The following TUSC3 variants were observed in gnomAD, a reference collection of about 807,000 sequenced individuals.
The protein encoded by TUSC3 is dolichyl-diphosphooligosaccharide--protein glycosyltransferase subunit TUSC3.
In TUSC3, 45 loss-of-function variants were observed where a neutral mutation model predicts 44.8. The ratio of observed to expected loss-of-function variants is 1.00; its 90% confidence interval spans 0.79 to 1.29. The LOEUF (loss-of-function observed/expected upper bound fraction) is 1.29. TUSC3 is among the 50% of genes most tolerant of loss of function. The pLI is 0.00. For missense variants in TUSC3, 519 were observed against 437.9 expected (o/e 1.19, Z -1.65); for synonymous variants, 212 against 152.9 (o/e 1.39, Z -2.85).
At chr8:15,659,252 A>G (rs991898504) in intron 3 of TUSC3, among the ~76,000 whole-genome samples, 3 of 152,114 alleles carry the variant, frequency 2.0e-5, no homozygotes, top group Non-Finnish European at 4.4e-5. Context: ...ATGACTTACA[A>G]AATATACAGA....
chr8:15,565,538 C>T (rs547340436), intron 1 of TUSC3, among the ~76,000 whole-genome samples: 9 of 152,274 alleles, frequency 5.9e-5, no homozygotes, highest in East Asian at 1.9e-4. Context: ...GACATTCATA[C>T]ACTCCAGGTG....
the TUSC3 span, among the ~76,000 whole-genome samples, chr8:15,850,614 T>A: frequency 3.9e-4 from 60 of 152,188 alleles, no homozygotes; most frequent in African/African-American, 1.4e-3. Context: ...TGTTGGCTTT[T>A]GAAAGGTTCT....
the TUSC3 span, chr8:15,806,142 C>T: frequency 2.2e-6 from 1 of 450,310 alleles, no homozygotes; most frequent in Non-Finnish European, 4.3e-6. Flanking sequence ...GCTAGATGAG[C>T]AGTTTTAGCA....
chr8:15,735,616 C>A (rs1270926891), intron 7 of TUSC3, among the ~76,000 whole-genome samples: 1 of 152,170 alleles, frequency 6.6e-6, no homozygotes, highest in East Asian at 1.9e-4. Flanking sequence ...AATGTTCTCA[C>A]CAAATTATAT....
chr8:15,663,758 T>C (rs569366295), intron 5 of TUSC3, among the ~76,000 whole-genome samples: 1 of 151,956 alleles, frequency 6.6e-6, no homozygotes, highest in East Asian at 1.9e-4. Flanking sequence ...TGGATGATCT[T>C]AATTACCTTA....
At chr8:15,440,818 G>C (rs17611309) in intron 1 of TUSC3, among the ~76,000 whole-genome samples, 10,405 of 152,194 alleles carry the variant, frequency 0.068, 520 homozygotes, top group Admixed American at 0.16. Flanking sequence ...ACTTTTGATA[G>C]GGATGTTAAT....
chr8:15,797,100 G>T, the TUSC3 span, among the ~76,000 whole-genome samples: 1 of 152,208 alleles, frequency 6.6e-6, no homozygotes, highest in South Asian at 2.1e-4. Flanking sequence ...CCGAATGGAG[G>T]CAGCTTCTCT....
At chr8:15,835,866 T>A in the TUSC3 span, among the ~76,000 whole-genome samples, 1 of 152,140 alleles carries the variant, frequency 6.6e-6, no homozygotes, top group Non-Finnish European at 1.5e-5. Context: ...AGAATTATAA[T>A]TTTCTGATAT....
chr8:15,662,441 G>A (rs1807465218), intron 5 of TUSC3, 145 bp downstream of exon 5: 4 of 1,183,458 alleles, frequency 3.4e-6, no homozygotes, highest in Admixed American at 2.2e-5. Context: ...GGATAATTTA[G>A]TTTGAGTTTT....
chr8:15,772,650 A>C, the TUSC3 span, among the ~76,000 whole-genome samples: 4 of 152,226 alleles, frequency 2.6e-5, no homozygotes, highest in Admixed American at 6.5e-5. Context: ...AACACTTCCT[A>C]ATTCTGTGGC....
At chr8:15,818,997 G>A in the TUSC3 span, among the ~76,000 whole-genome samples, 33 of 152,264 alleles carry the variant, frequency 2.2e-4, no homozygotes, top group South Asian at 1.2e-3. Flanking sequence ...GCTGAGGCAG[G>A]AGGATCACTT....
chr8:15,601,956 T>G (rs1051195252), intron 1 of TUSC3, among the ~76,000 whole-genome samples: 1 of 151,432 alleles, frequency 6.6e-6, no homozygotes, highest in African/African-American at 2.4e-5. Flanking sequence ...CACGCAGAAC[T>G]AGCATTTATT....
chr8:15,573,555 C>A (rs114765837), intron 1 of TUSC3, among the ~76,000 whole-genome samples: 7 of 151,896 alleles, frequency 4.6e-5, no homozygotes, highest in Admixed American at 2.6e-4. Flanking sequence ...TCCTTCCCCC[C>A]TCATCCCTTG....
At chr8:15,779,603 A>C in the TUSC3 span, among the ~76,000 whole-genome samples, 2 of 152,208 alleles carry the variant, frequency 1.3e-5, no homozygotes, top group Admixed American at 6.5e-5. Flanking sequence ...TGTTCTTACA[A>C]TTTACATCGA....
At chr8:15,542,752 G>C (rs1447075389) in intron 1 of TUSC3, among the ~76,000 whole-genome samples, 3 of 152,128 alleles carry the variant, frequency 2.0e-5, no homozygotes, top group Non-Finnish European at 4.4e-5. Flanking sequence ...GGAGAACATT[G>C]TTGAGGATTA....
At chr8:15,488,080 G>A (rs1341903987) in intron 2 of TUSC3, among the ~76,000 whole-genome samples, 3 of 151,884 alleles carry the variant, frequency 2.0e-5, no homozygotes. Flanking sequence ...ATTTGAGAAG[G>A]GAAGGAAGAT....
At chr8:15,791,676 A>G in the TUSC3 span, among the ~76,000 whole-genome samples, 50 of 152,196 alleles carry the variant, frequency 3.3e-4, no homozygotes, top group African/African-American at 1.2e-3. Flanking sequence ...TGTCTCACAC[A>G]TAAGAAAAAA....
Position 15,573,194 on chromosome 8 carries a change from CTCTCTCTCTATATA to C in TUSC3, c.138+32628_138+32641del, listed in dbSNP as rs1354126218. Among the ~76,000 whole-genome samples the C allele has an allele frequency of 6.8e-4, 71 of 104,738 alleles. No individual in the cohort carries two copies. In the East Asian group the frequency reaches 0.016, roughly 24 times the overall value. 68.7% of individuals were successfully genotyped at this position (104,738 alleles called of 152,430 possible). A position where few individuals can be genotyped will look rare whatever the true frequency, so the allele number is the denominator to read the frequency against. ...TCTCTCTCTCTCTCTCTCTCTCTCT[CTCTCTCTCTATATA>C]TATATATATATATATATATATAAAA... On this transcript the variant is annotated intron_variant, in intron 1 of 10. Coordinates refer to ENST00000503731, the MANE Select transcript of TUSC3 (RefSeq NM_006765.4).
intron 2 of TUSC3, among the ~76,000 whole-genome samples, chr8:15,514,023 C>T (rs1209969389): frequency 6.6e-6 from 1 of 152,174 alleles, no homozygotes; most frequent in Admixed American, 6.5e-5. Context: ...CCTAAAGGAA[C>T]ATAACCAGTA....
Sources: gnomAD v4.1 joint callset for allele counts (sites outside exome capture counted in the v4.1 genomes callset) on GRCh38, gnomAD v4.1.1 for gene constraint, MANE v1.5 for transcripts, NCBI Gene and HGNC (gene_info 2026-07-23, HGNC 2026-07-21) for gene names.